CNTNAP2: variants seen among roughly 807,000 people sequenced by gnomAD.
The protein encoded by CNTNAP2 is contactin-associated protein-like 2.
In CNTNAP2, 98 loss-of-function variants were observed where a neutral mutation model predicts 155.2. The ratio of observed to expected loss-of-function variants is 0.63; its 90% CI spans 0.54 to 0.75. The LOEUF (loss-of-function observed/expected upper bound fraction) is 0.75. CNTNAP2 is among the 30% of genes least tolerant of loss of function. CNTNAP2 has a pLI of 0.00. For synonymous variants in CNTNAP2, 651 were observed against 631.2 expected (o/e 1.03, Z -0.47); for missense variants, 1,727 against 1,688.1 (o/e 1.02, Z -0.40).
intron 11 of CNTNAP2, among the ~76,000 whole-genome samples, chr7:147,545,039 A>G (rs546315365): frequency 1.3e-5 from 2 of 152,280 alleles, no homozygotes; most frequent in East Asian, 1.9e-4. Context: ...ACACGTACTC[A>G]TAGACATATA....
intron 12 of CNTNAP2, among the ~76,000 whole-genome samples, chr7:147,563,675 A>C (rs1304531699): frequency 6.8e-6 from 1 of 147,882 alleles, no homozygotes; most frequent in Non-Finnish European, 1.5e-5. Flanking sequence ...CATATTATTC[A>C]GGCAAATTCA....
At chr7:146,183,496 C>A (rs1055265163) in intron 1 of CNTNAP2, among the ~76,000 whole-genome samples, 4 of 151,876 alleles carry the variant, frequency 2.6e-5, no homozygotes, top group Non-Finnish European at 5.9e-5. Flanking sequence ...CTGGTACCCT[C>A]AGTAAAAGGC....
At chr7:146,977,296 A>G (rs1797931451) in intron 3 of CNTNAP2, among the ~76,000 whole-genome samples, 1 of 152,182 alleles carries the variant, frequency 6.6e-6, no homozygotes, top group Admixed American at 6.5e-5. Flanking sequence ...ACAGAATCAG[A>G]ATCAGAATGA....
At chr7:147,434,442 T>TA (rs1797517427) in intron 10 of CNTNAP2, among the ~76,000 whole-genome samples, 1 of 152,254 alleles carries the variant, frequency 6.6e-6, no homozygotes, top group Non-Finnish European at 1.5e-5. Context: ...TATTTCATTT[T>TA]ACTGTTTGAA....
chr7:147,803,522 G>A (rs1798040241), intron 13 of CNTNAP2, among the ~76,000 whole-genome samples: 1 of 152,152 alleles, frequency 6.6e-6, no homozygotes, highest in African/African-American at 2.4e-5. Flanking sequence ...ATTTCTACCA[G>A]TCATAGACTG....
At chr7:146,707,607 C>A (rs749476021) in intron 1 of CNTNAP2, among the ~76,000 whole-genome samples, 2 of 152,088 alleles carry the variant, frequency 1.3e-5, no homozygotes, top group Non-Finnish European at 2.9e-5. Flanking sequence ...GACTCTGACA[C>A]CATCTCCATC....
chr7:146,238,688 GA>G (rs1169267609), intron 1 of CNTNAP2, among the ~76,000 whole-genome samples: 2 of 151,966 alleles, frequency 1.3e-5, no homozygotes, highest in African/African-American at 4.8e-5. Context: ...ACTCTGCTAT[GA>G]AGAAATACCT....
At chr7:147,541,845 C>G (rs1341474854) in intron 11 of CNTNAP2, among the ~76,000 whole-genome samples, 1 of 152,154 alleles carries the variant, frequency 6.6e-6, no homozygotes, top group East Asian at 1.9e-4. Context: ...TATATGTGCC[C>G]CACTTAATCA....
chr7:146,235,922 A>T (rs1799465718), intron 1 of CNTNAP2, among the ~76,000 whole-genome samples: 1 of 151,438 alleles, frequency 6.6e-6, no homozygotes, highest in Non-Finnish European at 1.5e-5. Flanking sequence ...ATTACCCATC[A>T]ATATTCTCTG....
chr7:148,387,830 C>T (rs565969168), intron 22 of CNTNAP2, among the ~76,000 whole-genome samples: 3 of 152,108 alleles, frequency 2.0e-5, no homozygotes, highest in Non-Finnish European at 4.4e-5. Context: ...AACTCCATCT[C>T]GAATAGGGGC....
intron 3 of CNTNAP2, among the ~76,000 whole-genome samples, chr7:146,917,913 C>G (rs1236693958): frequency 6.6e-6 from 1 of 152,166 alleles, no homozygotes; most frequent in Non-Finnish European, 1.5e-5. Context: ...TTGGGTATGT[C>G]TCTATCAGCA....
At position 147,502,875 on chromosome 7, in the gene CNTNAP2, C is replaced by T. The variant is rs547145364; in HGVS notation, c.1777+16834C>T. On this transcript the variant is annotated intron_variant, in intron 11 of 23. Coordinates refer to ENST00000361727, the MANE Select transcript of CNTNAP2 (RefSeq NM_014141.6). ...CAGGAAAAGTAGGCTTCAATATCAA[C>T]ACAATGGATTTTTGGACATTTTGAG... Among the ~76,000 whole-genome samples the T allele has an allele frequency of 4.0e-4, 61 of 152,100 alleles. 1 individual carries two copies. Among genetic ancestry groups the T allele is most frequent in the African/African-American group, 1.4e-3 (58 of 41,488 alleles).
rs553481337 is a variant in CNTNAP2, at chr7:146,274,828, G to A, written c.97+157855G>A. On this transcript the variant is annotated intron_variant, in intron 1 of 23. Coordinates refer to ENST00000361727, the MANE Select transcript of CNTNAP2 (RefSeq NM_014141.6). ...CTATAACAGTTAACCTACATTTCGA[G>A]CAAAGAGTGGGCTTTTGTTCCTTGT... is the stretch of plus-strand genomic sequence containing the variant. Among the ~76,000 whole-genome samples, 307 of 152,264 alleles carry A rather than the reference G, an allele frequency of 2.0e-3. 3 individuals are homozygous for A. The highest frequency in any genetic ancestry group is 6.9e-3 in the African/African-American group (288 of 41,556).
intron 19 of CNTNAP2, among the ~76,000 whole-genome samples, chr7:148,220,591 G>A (rs1795729330): frequency 6.6e-6 from 1 of 151,358 alleles, no homozygotes; most frequent in African/African-American, 2.4e-5. Flanking sequence ...ACAAGATCCA[G>A]CCTTGAATGT....
intron 7 of CNTNAP2, among the ~76,000 whole-genome samples, chr7:147,131,066 G>GTGTGTATATATATGTATATA: frequency 7.8e-6 from 1 of 127,778 alleles, no homozygotes; most frequent in Non-Finnish European, 1.6e-5. Flanking sequence ...GTATATATAT[G>GTGTGTATATATATGTATATA]TGTGTATATA....
intron 8 of CNTNAP2, among the ~76,000 whole-genome samples, chr7:147,242,854 TCACTTATGAGA>T (rs1803968374): frequency 6.6e-6 from 1 of 152,114 alleles, no homozygotes; most frequent in Admixed American, 6.6e-5. Context: ...CTTTTTAAAA[TCACTTATGAGA>T]CACTGACTTT....
intron 3 of CNTNAP2, among the ~76,000 whole-genome samples, chr7:146,844,607 C>A (rs756596137): frequency 1.3e-5 from 2 of 151,994 alleles, no homozygotes; most frequent in Admixed American, 1.3e-4. Flanking sequence ...TGCTAAGAGG[C>A]CTGTTTTGCT....
intron 15 of CNTNAP2, among the ~76,000 whole-genome samples, chr7:148,080,061 G>T: frequency 6.6e-6 from 1 of 152,202 alleles, no homozygotes; most frequent in Admixed American, 6.5e-5. Context: ...ATGAGAGTCA[G>T]CCATCACTGC....
intron 21 of CNTNAP2, among the ~76,000 whole-genome samples, chr7:148,293,341 A>G (rs953646402): frequency 1.3e-5 from 2 of 152,332 alleles, no homozygotes; most frequent in Admixed American, 1.3e-4. Context: ...CTCACTAGTA[A>G]GATGACTTCT....
Sources: gnomAD v4.1 joint callset for allele counts (sites outside exome capture counted in the v4.1 genomes callset) on GRCh38, gnomAD v4.1.1 for gene constraint, MANE v1.5 for transcripts, NCBI Gene and HGNC (gene_info 2026-07-23, HGNC 2026-07-21) for gene names.